The following FLVCR2 variants were observed in gnomAD, a reference collection of about 807,000 sequenced individuals.
The protein encoded by FLVCR2 is FLVCR choline and putative heme transporter 2, also known as choline/ethanolamine transporter FLVCR2.
Under a neutral mutation model 48.9 loss-of-function variants are expected in FLVCR2, and 38 were observed. The ratio of observed to expected loss-of-function variants is 0.78; its 90% CI spans 0.60 to 1.02. The LOEUF (loss-of-function observed/expected upper bound fraction) is 1.02, where lower values mean the gene tolerates loss of function less well. Ranked by LOEUF, FLVCR2 falls within the 50% of genes least tolerant of loss-of-function variation. FLVCR2 has a pLI of 0.00. For missense variants in FLVCR2, 664 were observed against 663.3 expected, an observed-to-expected ratio of 1.00 and a Z score of -0.01; for synonymous variants, 255 against 257.0, an observed-to-expected ratio of 0.99 and a Z score of 0.07.
At chr14:75,638,980 C>T (rs934141977) in intron 5 of FLVCR2, among the ~76,000 whole-genome samples, 1 of 152,154 alleles carries the variant, frequency 6.6e-6, no homozygotes, top group Non-Finnish European at 1.5e-5. Context: ...TTTAGCAGGC[C>T]AAGGCAGGTG....
chr14:75,602,288 T>C (rs1297620859), intron 1 of FLVCR2, among the ~76,000 whole-genome samples: 1 of 152,184 alleles, frequency 6.6e-6, no homozygotes, highest in African/African-American at 2.4e-5. Context: ...CAAGTTCGAA[T>C]CCATGATCTT....
chr14:75,612,650 C>T (rs780787358), intron 1 of FLVCR2, among the ~76,000 whole-genome samples: 14 of 152,160 alleles, frequency 9.2e-5, no homozygotes, highest in South Asian at 2.1e-4. Context: ...ACCGTGGAGC[C>T]GCCTGGCATT....
At chr14:75,610,851 C>T (rs1420641223) in intron 1 of FLVCR2, among the ~76,000 whole-genome samples, 1 of 152,240 alleles carries the variant, frequency 6.6e-6, no homozygotes, top group African/African-American at 2.4e-5. Flanking sequence ...CATCTGGCAT[C>T]TACTCGCTTT....
At chr14:75,644,037 C>CGA (rs2140056892) in intron 9 of FLVCR2, among the ~76,000 whole-genome samples, 1 of 87,050 alleles carries the variant, frequency 1.1e-5, no homozygotes, top group East Asian at 2.4e-4. Context: ...GACTCCATCT[C>CGA]GAAAAAAAAA....
chr14:75,632,914 C>T, intron 3 of FLVCR2: 1 of 702,384 alleles, frequency 1.4e-6, no homozygotes, highest in Middle Eastern at 2.3e-4. Context: ...TCATCATCAT[C>T]ACCATTGAAG....
At chr14:75,642,283 G>GC (rs1386501466) in intron 9 of FLVCR2, among the ~76,000 whole-genome samples, 1 of 152,170 alleles carries the variant, frequency 6.6e-6, no homozygotes, top group Non-Finnish European at 1.5e-5. Context: ...GGGAAGCCTG[G>GC]CTCCACCACT....
chr14:75,632,512 C>A, intron 3 of FLVCR2: 1 of 645,512 alleles, frequency 1.5e-6, no homozygotes, highest in South Asian at 1.7e-5. Context: ...TGCCTGTGAG[C>A]ATTAAGCCAG....
In FLVCR2 at chr14:75,607,413, C is replaced by A. The variant is rs146641330; in HGVS notation, c.670-14666C>A. On this transcript the variant is annotated intron_variant, in intron 1 of 9. Coordinates refer to ENST00000238667, the MANE Select transcript of FLVCR2 (RefSeq NM_017791.3). The stretch of plus-strand genomic sequence containing the variant: ...CAGTGATTCATGAATTGGCTGGCTC[C>A]AAACCAGAAGTGGTTCTGGATCATC... 4.6e-4 allele frequency among the ~76,000 whole-genome samples: 70 copies of A among 152,288 alleles called. 1 individual carries two copies. The highest frequency in any genetic ancestry group is 1.5e-3 in the African/African-American group (64 of 41,562).
intron 1 of FLVCR2, among the ~76,000 whole-genome samples, chr14:75,602,869 A>C (rs1889199450): frequency 6.6e-6 from 1 of 152,148 alleles, no homozygotes; most frequent in Non-Finnish European, 1.5e-5. Flanking sequence ...CGAACAAAAG[A>C]TACTCTGCTT....
rs1323515847 is a variant in FLVCR2, at chr14:75,579,380, TC to T, written c.409del (p.Leu137CysfsTer31). 2.5e-6 allele frequency: 4 copies of T among 1,614,224 alleles called. No individual in the cohort carries two copies. The South Asian group carries it at 4.4e-5, about 18-fold the overall frequency. On this transcript the variant is annotated frameshift_variant, in exon 1 of 10. Coordinates refer to ENST00000238667, the MANE Select transcript of FLVCR2 (RefSeq NM_017791.3). LOFTEE classifies it high-confidence loss of function. Reference protein sequence around the residue: ...SMCYMLTYIPLLLPVAWLLEK... With the variant: ...SMCYMLTYIPXLLPVAWLLEK... Reference sequence around the variant, plus strand: ...TGTGCTACATGCTGACTTACATCCCTCTGCTCCTGCCAGTGGCTTGGCTGCT... The same window carrying T: ...TGTGCTACATGCTGACTTACATCCCTTGCTCCTGCCAGTGGCTTGGCTGCT...
intron 1 of FLVCR2, among the ~76,000 whole-genome samples, chr14:75,582,950 C>A (rs915860064): frequency 2.6e-5 from 4 of 152,132 alleles, no homozygotes; most frequent in East Asian, 1.9e-4. Flanking sequence ...ACATTGTTTT[C>A]ATTAAGAATT....
chr14:75,600,611 A>T (rs972194196), intron 1 of FLVCR2, among the ~76,000 whole-genome samples: 1 of 152,230 alleles, frequency 6.6e-6, no homozygotes, highest in East Asian at 1.9e-4. Flanking sequence ...CATAAAAGCT[A>T]AAACCATAAG....
chr14:75,611,488 C>T (rs1370543602), intron 1 of FLVCR2, among the ~76,000 whole-genome samples: 2 of 152,282 alleles, frequency 1.3e-5, no homozygotes, highest in Non-Finnish European at 2.9e-5. Flanking sequence ...GTAATCCCAG[C>T]GCTTTGGGAG....
At position 75,620,863 on chromosome 14, in the gene FLVCR2, G is replaced by A. The variant is rs145918806; in HGVS notation, c.670-1216G>A. Among the ~76,000 whole-genome samples, 20 of 152,358 alleles carry A rather than the reference G, an allele frequency of 1.3e-4. No homozygotes were observed. In the East Asian group the frequency reaches 3.5e-3, roughly 26 times the overall value. ...TTGGCAGTTGATGGATGATGTGAAA[G>A]TGAGGAGCGAAAGCAAATTGTTTCT... is the stretch of plus-strand genomic sequence containing the variant. On this transcript the variant is annotated intron_variant, in intron 1 of 9. Coordinates refer to ENST00000238667, the MANE Select transcript of FLVCR2 (RefSeq NM_017791.3).
At chr14:75,612,999 A>G (rs1415807094) in intron 1 of FLVCR2, among the ~76,000 whole-genome samples, 2 of 152,204 alleles carry the variant, frequency 1.3e-5, no homozygotes, top group Non-Finnish European at 2.9e-5. Flanking sequence ...CAACAGAATT[A>G]TGGACTGGAG....
intron 1 of FLVCR2, among the ~76,000 whole-genome samples, chr14:75,594,726 T>C (rs573546563): frequency 1.6e-4 from 24 of 152,086 alleles, no homozygotes; most frequent in Middle Eastern, 3.4e-3. Flanking sequence ...TATCACTTTT[T>C]TTTTTTTTTT....
chr14:75,624,490 A>G (rs2140039710), intron 2 of FLVCR2, 122 bp from the exon 3 acceptor site: 1 of 1,131,850 alleles, frequency 8.8e-7, no homozygotes, highest in African/African-American at 1.5e-5. Flanking sequence ...TTAAAGAATT[A>G]CTATTTCCTT....
chr14:75,597,718 C>T (rs934695915), intron 1 of FLVCR2, among the ~76,000 whole-genome samples: 5 of 151,876 alleles, frequency 3.3e-5, no homozygotes, highest in South Asian at 2.1e-4. Flanking sequence ...TACAGGTGCC[C>T]GCCACCACGT....
intron 1 of FLVCR2, among the ~76,000 whole-genome samples, chr14:75,580,886 C>A (rs956825938): frequency 1.3e-5 from 2 of 152,114 alleles, no homozygotes. Context: ...GCATGCAGGT[C>A]ACAGGGGATA....
Sources: gnomAD v4.1 joint callset for allele counts (sites outside exome capture counted in the v4.1 genomes callset) on GRCh38, gnomAD v4.1.1 for gene constraint, MANE v1.5 for transcripts, NCBI Gene and HGNC (gene_info 2026-07-23, HGNC 2026-07-21) for gene names.